ADAMTS5: variants seen among roughly 807,000 people sequenced by gnomAD.
ADAMTS5 encodes the protein ADAM metallopeptidase with thrombospondin type 1 motif 5.
A neutral mutation model predicts 81.4 loss-of-function variants in ADAMTS5; 54 were observed. That is an observed-to-expected ratio of 0.66 (90% CI 0.53 to 0.83). The LOEUF (loss-of-function observed/expected upper bound fraction) is 0.83, where lower values mean the gene tolerates loss of function less well. Ranked by LOEUF, ADAMTS5 falls within the 40% of genes least tolerant of loss-of-function variation. ADAMTS5 has a pLI of 0.00. For missense variants in ADAMTS5, 1,194 were observed against 1,229.9 expected, an observed-to-expected ratio of 0.97 and a Z score of 0.44; for synonymous variants, 532 against 508.8, an observed-to-expected ratio of 1.05 and a Z score of -0.61.
At chr21:26,951,175 G>A (rs1158803821) in intron 2 of ADAMTS5, among the ~76,000 whole-genome samples, 1 of 152,164 alleles carries the variant, frequency 6.6e-6, no homozygotes, top group Non-Finnish European at 1.5e-5. Context: ...GGAAACAGTT[G>A]TGCGTTTCCA....
chr21:26,956,018 A>C (rs552295987), intron 1 of ADAMTS5, among the ~76,000 whole-genome samples: 1 of 152,300 alleles, frequency 6.6e-6, no homozygotes, highest in South Asian at 2.1e-4. Context: ...AACTCAGCAA[A>C]CATTTGTTTC....
intron 5 of ADAMTS5, among the ~76,000 whole-genome samples, chr21:26,932,516 AC>A (rs1222059143): frequency 2.0e-5 from 3 of 152,112 alleles, no homozygotes; most frequent in Admixed American, 6.5e-5. Context: ...ACATAGTGAA[AC>A]CCCGTCTCTA....
At chr21:26,955,048 G>A (rs1402024311) in intron 1 of ADAMTS5, among the ~76,000 whole-genome samples, 177 bp from the exon 2 acceptor site, 1 of 152,046 alleles carries the variant, frequency 6.6e-6, no homozygotes, top group East Asian at 1.9e-4. Flanking sequence ...ACTGCTCTGG[G>A]GCCCAGAAAC....
Position 26,931,992 on chromosome 21 carries a change from G to A in ADAMTS5, c.2049+12C>T. The A allele has an allele frequency of 6.2e-7, 1 of 1,605,092 alleles. No individual in the cohort carries two copies. Among genetic ancestry groups the A allele is most frequent in the Non-Finnish European group, 8.5e-7 (1 of 1,174,996 alleles). On this transcript the variant is annotated intron_variant, in intron 6 of 7. Transcript: ENST00000284987. ...TACGCCTACTGCTTCTGGACAGTTG[G>A]TGTGTAGTTACCTTTGGAGAAAATA...
intron 2 of ADAMTS5, among the ~76,000 whole-genome samples, chr21:26,944,800 C>G (rs934901455): frequency 1.3e-5 from 2 of 152,146 alleles, no homozygotes; most frequent in African/African-American, 4.8e-5. Flanking sequence ...TATATTCCGA[C>G]TACTTTGGGC....
chr21:26,966,025 G>T lies in ADAMTS5; in HGVS notation c.367C>A (p.Pro123Thr). ...AAGCAGTGGCTCCGGTGGCGCCAGG[G>T]CGCACTCGTCCCGCCTCCTGCGGGC... is the stretch of plus-strand genomic sequence containing the variant. ...FVPAGGGTSA[P>T]WRHRSHCFYR... The change falls in exon 1 of 8, where the codon CCC (proline) becomes ACC (threonine). Residue 123 changes from proline (P) to threonine (T), a missense_variant. By Grantham distance (38) the Pro-to-Thr change is conservative. Around this residue, in one of 2 missense-constraint regions of ADAMTS5, gnomAD observed 498 missense variants for 412.3 expected, o/e 1.21. Transcript: ENST00000284987. 6.2e-7 allele frequency: 1 copy of T among 1,613,062 alleles called. No homozygotes were observed. Among genetic ancestry groups the T allele is most frequent in the Non-Finnish European group, 8.5e-7 (1 of 1,179,894 alleles).
At position 26,943,472 on chromosome 21, in the gene ADAMTS5, A is replaced by G. The variant is rs754117462; in HGVS notation, c.1313T>C (p.Leu438Ser). 2 of 1,613,628 alleles carry G rather than the reference A, an allele frequency of 1.2e-6. No homozygotes were observed. Among genetic ancestry groups the G allele is most frequent in the African/African-American group, 2.7e-5 (2 of 74,904 alleles). Reference protein sequence around the residue: ...ETFGSTEDKRLMSSILTSIDA... With the variant: ...ETFGSTEDKRSMSSILTSIDA... ...AATGCTGGTAAGGATGGAAGACATT[A>G]AGCGCTTATCTTCTGTGGAACCAAA... The change falls in exon 3 of 8, where the codon TTA becomes TCA. Residue 438 changes from leucine to serine, a missense_variant. Around this residue, in one of 2 missense-constraint regions of ADAMTS5, gnomAD observed 696 missense variants for 817.6 expected, o/e 0.85. Transcript: ENST00000284987.
At chr21:26,938,434 C>T (rs959405490) in intron 3 of ADAMTS5, among the ~76,000 whole-genome samples, 2 of 152,180 alleles carry the variant, frequency 1.3e-5, no homozygotes, top group African/African-American at 2.4e-5. Flanking sequence ...AGGAATGCCA[C>T]GCCTCCAGGA....
intron 4 of ADAMTS5, among the ~76,000 whole-genome samples, chr21:26,934,047 C>T (rs1289989651): frequency 1.3e-5 from 2 of 152,118 alleles, no homozygotes; most frequent in Non-Finnish European, 2.9e-5. Flanking sequence ...AAAAAGTGAC[C>T]ATTTGGAGCT....
chr21:26,960,712 A>G (rs983854103), intron 1 of ADAMTS5, among the ~76,000 whole-genome samples: 2 of 152,198 alleles, frequency 1.3e-5, no homozygotes, highest in Non-Finnish European at 2.9e-5. Flanking sequence ...CCCATTGTAC[A>G]ATATTCTGTT....
In ADAMTS5 at chr21:26,954,809, A is replaced by C; in HGVS notation, c.1167T>G (p.Ser389=). The C allele has an allele frequency of 6.2e-7, 1 of 1,614,104 alleles. No homozygotes were observed. Among genetic ancestry groups the C allele is most frequent in the Non-Finnish European group, 8.5e-7 (1 of 1,179,998 alleles). Residue 389 remains serine (S), a synonymous_variant, in exon 2 of 8, where the codon TCT becomes TCG. Coordinates refer to ENST00000284987, the MANE Select transcript of ADAMTS5 (RefSeq NM_007038.5). ...LGMADVGTIC[S]PERSCAVIED... ...CAATCACAGCACAGCTGCGCTCTGGAGAACATATGGTCCCAACGTCTGCCA... is the reference window on the plus strand; with the variant it reads ...CAATCACAGCACAGCTGCGCTCTGGCGAACATATGGTCCCAACGTCTGCCA...
chr21:26,944,254 T>C (rs1295698081), intron 2 of ADAMTS5, among the ~76,000 whole-genome samples: 1 of 152,184 alleles, frequency 6.6e-6, no homozygotes, highest in African/African-American at 2.4e-5. Context: ...CATTTTAAAA[T>C]GTCAAAATAC....
At chr21:26,927,807 T>A (rs1182249213) in intron 7 of ADAMTS5, among the ~76,000 whole-genome samples, 1 of 151,702 alleles carries the variant, frequency 6.6e-6, no homozygotes, top group Non-Finnish European at 1.5e-5. Context: ...CCAGGCAAGA[T>A]CTGATGAACA....
At chr21:26,933,323 G>A (rs558876099) in intron 4 of ADAMTS5, among the ~76,000 whole-genome samples, 61 of 152,162 alleles carry the variant, frequency 4.0e-4, no homozygotes, top group Middle Eastern at 3.4e-3. Flanking sequence ...TGGTTTCTAC[G>A]GACCATTGTA....
chr21:26,929,719 A>G (rs535946572), intron 7 of ADAMTS5, among the ~76,000 whole-genome samples, 167 bp downstream of exon 7: 1 of 152,276 alleles, frequency 6.6e-6, no homozygotes, highest in South Asian at 2.1e-4. Context: ...CCAGAGTTTT[A>G]TTCATCTCCT....
intron 1 of ADAMTS5, among the ~76,000 whole-genome samples, chr21:26,958,054 C>T (rs771935281): frequency 2.6e-5 from 4 of 152,066 alleles, no homozygotes; most frequent in Non-Finnish European, 5.9e-5. Flanking sequence ...TTTGAAAATC[C>T]CAGTGGGCAG....
chr21:26,964,433 G>T (rs932971094), intron 1 of ADAMTS5, among the ~76,000 whole-genome samples: 1 of 152,216 alleles, frequency 6.6e-6, no homozygotes, highest in Non-Finnish European at 1.5e-5. Flanking sequence ...AGGGGGAAAT[G>T]CTGGGAAAAC....
rs1987678313 is a variant in ADAMTS5, at chr21:26,966,489, CACTT to C, written c.-102_-99del. Reference sequence around the variant, plus strand: ...GGGGCGGGGGATGGGGACACACACACACTTGCTTGCAGGATTGAGTCAAGTGTCG... The same window carrying C: ...GGGGCGGGGGATGGGGACACACACACGCTTGCAGGATTGAGTCAAGTGTCG... On this transcript the variant is annotated 5_prime_UTR_variant, in exon 1 of 8. Transcript: ENST00000284987. 19 of 1,262,190 alleles carry C rather than the reference CACTT, an allele frequency of 1.5e-5. No homozygotes were observed. The highest frequency in any genetic ancestry group is 1.8e-5 in the Non-Finnish European group (18 of 975,568). The allele number at this position is 1,262,190 out of a possible 1,614,324, so 78.2% of individuals were successfully genotyped here. A position where few individuals can be genotyped will look rare whatever the true frequency, so the allele number is the denominator to read the frequency against.
intron 3 of ADAMTS5, 47 bp downstream of exon 3, chr21:26,943,333 A>G (rs756407229): frequency 2.6e-6 from 4 of 1,553,080 alleles, no homozygotes; most frequent in Non-Finnish European, 3.5e-6. Context: ...ACTCCTAAGA[A>G]TCCCAAATTT....
Sources: allele counts gnomAD v4.1 joint callset (sites outside exome capture counted in the v4.1 genomes callset), GRCh38; gene constraint gnomAD v4.1.1; regional missense constraint gnomAD v4.1.1; transcripts MANE v1.5; gene names NCBI Gene and HGNC (gene_info 2026-07-23, HGNC 2026-07-21).